STK39: variants seen among roughly 807,000 people sequenced by gnomAD.
STK39 encodes the protein STE20/SPS1-related proline-alanine-rich protein kinase.
In STK39, 20 loss-of-function variants were observed where a neutral mutation model predicts 77.8. The ratio of observed to expected loss-of-function variants is 0.26; its 90% CI spans 0.18 to 0.37. The LOEUF is 0.37. STK39 is among the 10% of genes least tolerant of loss of function. STK39 has a pLI of 1.00. For missense variants in STK39, 479 were observed against 656.5 expected, an observed-to-expected ratio of 0.73 and a Z score of 2.95; for synonymous variants, 246 against 234.1, an observed-to-expected ratio of 1.05 and a Z score of -0.47.
intron 14 of STK39, among the ~76,000 whole-genome samples, chr2:168,027,154 G>A (rs1366507698): frequency 1.3e-5 from 2 of 152,104 alleles, no homozygotes; most frequent in African/African-American, 4.8e-5. Context: ...GGCTCTAAAG[G>A]TTGAGAACCA....
intron 1 of STK39, among the ~76,000 whole-genome samples, chr2:168,216,668 G>A (rs1044332365): frequency 6.6e-6 from 1 of 152,150 alleles, no homozygotes; most frequent in Non-Finnish European, 1.5e-5. Context: ...CGAGTTTTTA[G>A]GCAAAGAAAC....
intron 2 of STK39, among the ~76,000 whole-genome samples, chr2:168,172,784 C>T (rs1688861121): frequency 6.6e-6 from 1 of 152,196 alleles, no homozygotes; most frequent in Non-Finnish European, 1.5e-5. Flanking sequence ...ATAATGATGG[C>T]AAAATATCCT....
intron 10 of STK39, among the ~76,000 whole-genome samples, chr2:168,103,380 T>C (rs1012578316): frequency 6.6e-6 from 1 of 152,244 alleles, no homozygotes; most frequent in African/African-American, 2.4e-5. Flanking sequence ...CAAAATGTTT[T>C]CAAGTAGGCT....
At chr2:167,967,441 A>AT (rs576380007) in intron 16 of STK39, among the ~76,000 whole-genome samples, 125 of 151,742 alleles carry the variant, frequency 8.2e-4, no homozygotes, top group African/African-American at 2.8e-3. Flanking sequence ...TGAACAGTTA[A>AT]TTTTTTTTCT....
intron 16 of STK39, among the ~76,000 whole-genome samples, chr2:167,971,037 T>C (rs1401766209): frequency 2.0e-5 from 3 of 152,214 alleles, no homozygotes; most frequent in Non-Finnish European, 2.9e-5. Context: ...TGACAGATGG[T>C]GTCAGAAGTG....
At chr2:168,091,156 A>G (rs1327057865) in intron 10 of STK39, among the ~76,000 whole-genome samples, 2 of 149,450 alleles carry the variant, frequency 1.3e-5, no homozygotes, top group Non-Finnish European at 3.0e-5. Flanking sequence ...AGGTGCACAC[A>G]CACACACACA....
chr2:168,161,776 A>G lies in STK39; in HGVS notation c.628+11T>C. 1.3e-6 allele frequency: 2 copies of G among 1,598,184 alleles called. No homozygotes were observed. The highest frequency in any genetic ancestry group is 1.7e-6 in the Non-Finnish European group (2 of 1,173,834). On this transcript the variant is annotated intron_variant, in intron 5 of 17. Transcript: ENST00000355999. ...AATCAAGTAAAAAATTTTTCTATTTATCAGCTTTACCTGCTATTTGTACTG... is the reference window on the plus strand; with the variant it reads ...AATCAAGTAAAAAATTTTTCTATTTGTCAGCTTTACCTGCTATTTGTACTG...
At chr2:167,986,122 T>C (rs1683550714) in intron 16 of STK39, among the ~76,000 whole-genome samples, 1 of 152,124 alleles carries the variant, frequency 6.6e-6, no homozygotes, top group Non-Finnish European at 1.5e-5. Context: ...CCAATCTTAG[T>C]TGGGGTGGGG....
intron 1 of STK39, among the ~76,000 whole-genome samples, chr2:168,224,816 T>C (rs1392192138): frequency 6.6e-6 from 1 of 152,234 alleles, no homozygotes; most frequent in African/African-American, 2.4e-5. Context: ...TCTGAGTACG[T>C]TGTTCATTTG....
intron 16 of STK39, among the ~76,000 whole-genome samples, chr2:167,987,043 T>C (rs1398121520): frequency 6.6e-6 from 1 of 152,190 alleles, no homozygotes; most frequent in Non-Finnish European, 1.5e-5. Flanking sequence ...GCACTGCTTA[T>C]TCCAATGTTA....
intron 14 of STK39, among the ~76,000 whole-genome samples, chr2:168,029,472 G>A (rs575808331): frequency 1.3e-5 from 2 of 152,158 alleles, no homozygotes; most frequent in South Asian, 2.1e-4. Flanking sequence ...TGGTGCAAAC[G>A]ATGAAAGTTT....
chr2:168,240,849 A>C (rs1270387581), intron 1 of STK39, among the ~76,000 whole-genome samples: 1 of 152,258 alleles, frequency 6.6e-6, no homozygotes, highest in Non-Finnish European at 1.5e-5. Flanking sequence ...GTCCAGAAGG[A>C]AGGCATGGCA....
At chr2:168,012,774 T>C in intron 15 of STK39, 72 bp from the exon 16 acceptor site, 2 of 1,279,544 alleles carry the variant, frequency 1.6e-6, no homozygotes, top group South Asian at 1.6e-5. Context: ...CAATGTAAAA[T>C]ATATATTTTT....
At chr2:168,084,391 C>A (rs1160552644) in intron 10 of STK39, among the ~76,000 whole-genome samples, 1 of 152,204 alleles carries the variant, frequency 6.6e-6, no homozygotes, top group Non-Finnish European at 1.5e-5. Flanking sequence ...TGGCTGACAG[C>A]AAGCACGAGA....
intron 1 of STK39, among the ~76,000 whole-genome samples, chr2:168,245,562 C>T (rs1690876277): frequency 6.6e-6 from 1 of 152,148 alleles, no homozygotes; most frequent in Admixed American, 6.5e-5. Context: ...ACCTTGGAAG[C>T]GGAGTGAGAT....
At chr2:167,968,321 G>A (rs1692219292) in intron 16 of STK39, among the ~76,000 whole-genome samples, 1 of 152,092 alleles carries the variant, frequency 6.6e-6, no homozygotes, top group African/African-American at 2.4e-5. Context: ...GGGATTGCTG[G>A]GTTAAATACT....
intron 10 of STK39, among the ~76,000 whole-genome samples, chr2:168,121,908 A>G (rs1687416451): frequency 6.6e-6 from 1 of 152,304 alleles, no homozygotes; most frequent in African/African-American, 2.4e-5. Flanking sequence ...TAGGCAGCTC[A>G]CCCAACAAAA....
chr2:168,016,409 A>C (rs915965915), intron 15 of STK39, among the ~76,000 whole-genome samples: 5 of 148,618 alleles, frequency 3.4e-5, no homozygotes, highest in African/African-American at 5.2e-5. Context: ...AAAAAAAAAA[A>C]AAAACAACAC....
intron 16 of STK39, among the ~76,000 whole-genome samples, chr2:167,975,987 C>T (rs1683266931): frequency 1.3e-5 from 2 of 152,200 alleles, no homozygotes; most frequent in African/African-American, 2.4e-5. Flanking sequence ...AACACAATTA[C>T]TCTATCTGCC....
Sources: gnomAD v4.1 joint callset for allele counts (sites outside exome capture counted in the v4.1 genomes callset) on GRCh38, gnomAD v4.1.1 for gene constraint, MANE v1.5 for transcripts, NCBI Gene and HGNC (gene_info 2026-07-23, HGNC 2026-07-21) for gene names.